The following OR3A2 variants were observed in gnomAD, a reference collection of about 807,000 sequenced individuals.
OR3A2 encodes olfactory receptor 3A2.
For missense variants in OR3A2, 318 were observed against 392.8 expected, an observed-to-expected ratio of 0.81 and a Z score of 1.61; for synonymous variants, 126 against 159.3, an observed-to-expected ratio of 0.79 and a Z score of 1.57.
chr17:3,326,703 C>G, intron 3 of OR3A2, among the ~76,000 whole-genome samples: 1 of 111,418 alleles, frequency 9.0e-6, no homozygotes. Flanking sequence ...TCCCTCCCCC[C>G]TCCCCCCACT....
At chr17:3,316,115 GCA>G (rs2049081081) in intron 3 of OR3A2, among the ~76,000 whole-genome samples, 1 of 152,016 alleles carries the variant, frequency 6.6e-6, no homozygotes, top group Non-Finnish European at 1.5e-5. Context: ...CTTCCCTATT[GCA>G]CAGTTTTGAA....
chr17:3,286,258 T>C (rs867917844), upstream of OR3A2, among the ~76,000 whole-genome samples: 1 of 152,244 alleles, frequency 6.6e-6, no homozygotes, highest in Non-Finnish European at 1.5e-5. Context: ...TCCTTTTTTA[T>C]GGCTGCATAG....
chr17:3,357,391 C>T (rs1003371869), intron 2 of OR3A2, among the ~76,000 whole-genome samples: 2 of 151,636 alleles, frequency 1.3e-5, no homozygotes, highest in Non-Finnish European at 1.5e-5. Context: ...GACCAACCCT[C>T]CCCATGAAAA....
intron 2 of OR3A2, among the ~76,000 whole-genome samples, chr17:3,378,371 G>C (rs1219615072): frequency 6.6e-6 from 1 of 152,248 alleles, no homozygotes; most frequent in Non-Finnish European, 1.5e-5. Flanking sequence ...CAATGCCCAG[G>C]CTCGGCCACA....
chr17:3,338,750 G>A (rs2049292110), intron 2 of OR3A2, among the ~76,000 whole-genome samples: 2 of 152,168 alleles, frequency 1.3e-5, no homozygotes, highest in Non-Finnish European at 2.9e-5. Context: ...TCTTGGCAAT[G>A]CAGGCTCTTT....
intron 1 of OR3A2, among the ~76,000 whole-genome samples, chr17:3,279,818 A>G (rs372843734): frequency 2.2e-4 from 33 of 151,998 alleles, no homozygotes; most frequent in African/African-American, 7.7e-4. Context: ...AAACAAAAAC[A>G]CCTAGGTTTA....
chr17:3,360,818 T>C (rs923881756), intron 2 of OR3A2, among the ~76,000 whole-genome samples: 1 of 151,734 alleles, frequency 6.6e-6, no homozygotes, highest in South Asian at 2.1e-4. Flanking sequence ...TTGGTTACTG[T>C]AACCTTGTAG....
chr17:3,344,721 C>T lies in OR3A2; in HGVS notation c.-178-8595G>A, dbSNP rs575580235. 5.3e-5 allele frequency among the ~76,000 whole-genome samples: 8 copies of T among 152,228 alleles called. No individual in the cohort carries two copies. The South Asian group carries it at 1.5e-3, about 28-fold the overall frequency. On this transcript the variant is annotated intron_variant, in intron 2 of 4. Coordinates refer to the OR3A2 transcript ENST00000573491. ...CTTCAAATCTCCTTCAGTTTATGAG[C>T]TTTGGGTGGGGCTGCACACCAAGAT...
intron 2 of OR3A2, among the ~76,000 whole-genome samples, chr17:3,373,421 T>C (rs1376695596): frequency 6.6e-6 from 1 of 152,220 alleles, no homozygotes. Flanking sequence ...TGTATTGCCA[T>C]CTATCTCATT....
At chr17:3,324,376 G>A (rs57656236) in intron 3 of OR3A2, among the ~76,000 whole-genome samples, 36 of 152,060 alleles carry the variant, frequency 2.4e-4, no homozygotes, top group South Asian at 6.2e-4. Flanking sequence ...GTCATTCTCC[G>A]TCCAGCTTTG....
At chr17:3,289,075 A>G (rs568103071), upstream of OR3A2, among the ~76,000 whole-genome samples, 69 of 152,200 alleles carry the variant, frequency 4.5e-4, no homozygotes, top group African/African-American at 1.5e-3. Flanking sequence ...ACAACACAGT[A>G]TGGTTTTGAA....
At chr17:3,365,058 T>G (rs1370719763) in intron 2 of OR3A2, among the ~76,000 whole-genome samples, 1 of 152,164 alleles carries the variant, frequency 6.6e-6, no homozygotes, top group African/African-American at 2.4e-5. Flanking sequence ...GAGCAAACCC[T>G]GAGCTGAGTA....
chr17:3,356,713 G>GAA (rs2150657053), intron 2 of OR3A2, among the ~76,000 whole-genome samples: 1 of 151,548 alleles, frequency 6.6e-6, no homozygotes, highest in South Asian at 2.1e-4. Flanking sequence ...GGCAAATATT[G>GAA]AAACTGAAAA....
intron 1 of OR3A2, among the ~76,000 whole-genome samples, chr17:3,281,820 T>A (rs1472668396): frequency 6.6e-6 from 1 of 152,184 alleles, no homozygotes; most frequent in African/African-American, 2.4e-5. Context: ...TTAGTCCCCA[T>A]GCTTATTGGA....
intron 2 of OR3A2, among the ~76,000 whole-genome samples, chr17:3,347,815 G>A (rs1386077515): frequency 1.3e-5 from 2 of 152,190 alleles, no homozygotes; most frequent in African/African-American, 2.4e-5. Flanking sequence ...CTGAGGAATC[G>A]TCACACTGAC....
chr17:3,282,760 A>G (rs938368649), intron 1 of OR3A2, among the ~76,000 whole-genome samples: 6 of 152,208 alleles, frequency 3.9e-5, no homozygotes, highest in Admixed American at 6.5e-5. Flanking sequence ...CTCTTTACAT[A>G]TGTTATATTA....
chr17:3,294,522 A>G (rs1473546596), intron 3 of OR3A2, among the ~76,000 whole-genome samples: 1 of 152,228 alleles, frequency 6.6e-6, no homozygotes, highest in Non-Finnish European at 1.5e-5. Context: ...ACAATTATTT[A>G]AAACTCAATT....
intron 2 of OR3A2, among the ~76,000 whole-genome samples, chr17:3,336,677 TAC>T (rs887559142): frequency 2.6e-5 from 4 of 152,198 alleles, no homozygotes; most frequent in Admixed American, 2.6e-4. Context: ...ATCCAAATCT[TAC>T]ACTGTCTGGG....
chr17:3,372,016 C>A (rs1299093778), intron 2 of OR3A2, among the ~76,000 whole-genome samples: 2 of 112,300 alleles, frequency 1.8e-5, no homozygotes, highest in Non-Finnish European at 3.6e-5. Flanking sequence ...AGGGGCTCCT[C>A]ACTTCTCATA....
Sources: allele counts gnomAD v4.1 joint callset (sites outside exome capture counted in the v4.1 genomes callset), GRCh38; gene constraint gnomAD v4.1.1; transcripts MANE v1.5; gene names NCBI Gene and HGNC (gene_info 2026-07-23, HGNC 2026-07-21).